The following TBC1D22A variants were observed in gnomAD, a reference collection of about 807,000 sequenced individuals.
TBC1D22A encodes the protein putative GTPase activator.
A neutral mutation model predicts 60.2 loss-of-function variants in TBC1D22A; 38 were observed. The observed-to-expected ratio is 0.63, with a 90% CI of 0.49 to 0.83. The LOEUF is 0.83. TBC1D22A is among the 40% of genes least tolerant of loss of function. The pLI, the probability that TBC1D22A is intolerant of heterozygous loss-of-function variation, is 0.00. For missense variants in TBC1D22A, 628 were observed against 701.0 expected (o/e 0.90, Z 1.18); for synonymous variants, 302 against 281.7 (o/e 1.07, Z -0.72).
intron 12 of TBC1D22A, among the ~76,000 whole-genome samples, chr22:47,172,394 G>A (rs1270552437): frequency 5.3e-5 from 8 of 152,240 alleles, no homozygotes; most frequent in Non-Finnish European, 2.9e-5. Context: ...TGACTGGGAA[G>A]TAGAATGGGA....
intron 12 of TBC1D22A, among the ~76,000 whole-genome samples, chr22:47,118,626 A>G (rs1287693842): frequency 6.6e-6 from 1 of 152,266 alleles, no homozygotes; most frequent in Non-Finnish European, 1.5e-5. Flanking sequence ...ATGAATGAGT[A>G]AAAGCAAATG....
chr22:47,147,509 C>T (rs200506728), intron 12 of TBC1D22A, among the ~76,000 whole-genome samples: 17 of 152,238 alleles, frequency 1.1e-4, no homozygotes, highest in African/African-American at 4.1e-4. Context: ...GTTCTGCACC[C>T]ACCTCCTGGG....
intron 12 of TBC1D22A, among the ~76,000 whole-genome samples, chr22:47,135,358 C>T (rs533242844): frequency 6.6e-6 from 1 of 152,358 alleles, no homozygotes; most frequent in East Asian, 1.9e-4. Context: ...CCAGGTGACA[C>T]TCTGGGCATG....
chr22:47,110,648 A>G (rs192886582), intron 11 of TBC1D22A, among the ~76,000 whole-genome samples: 21 of 152,260 alleles, frequency 1.4e-4, no homozygotes, highest in Admixed American at 5.9e-4. Context: ...GCACATCACC[A>G]TCTAATGCAC....
intron 11 of TBC1D22A, among the ~76,000 whole-genome samples, chr22:47,057,909 T>C (rs535544998): frequency 1.5e-4 from 23 of 152,288 alleles, no homozygotes; most frequent in African/African-American, 5.3e-4. Flanking sequence ...ACTACACTTG[T>C]AAAGGGACCT....
chr22:46,962,094 G>C (rs974209613), intron 8 of TBC1D22A, among the ~76,000 whole-genome samples: 1 of 152,200 alleles, frequency 6.6e-6, no homozygotes, highest in African/African-American at 2.4e-5. Context: ...GGGGGAGTGT[G>C]CTGTCTGGGA....
chr22:47,101,529 G>A (rs573032039), intron 11 of TBC1D22A, among the ~76,000 whole-genome samples: 11 of 152,354 alleles, frequency 7.2e-5, no homozygotes, highest in African/African-American at 2.2e-4. Context: ...GGGGCGAGGC[G>A]GCCAAGGCCC....
At chr22:47,129,100 C>A (rs2066594504) in intron 12 of TBC1D22A, among the ~76,000 whole-genome samples, 1 of 152,184 alleles carries the variant, frequency 6.6e-6, no homozygotes, top group Non-Finnish European at 1.5e-5. Context: ...TCTGGAGTTA[C>A]TAGGTCCTGT....
chr22:47,149,156 C>A (rs1042808910), intron 12 of TBC1D22A, among the ~76,000 whole-genome samples: 2 of 152,090 alleles, frequency 1.3e-5, no homozygotes, highest in African/African-American at 4.8e-5. Context: ...TCACATGGCT[C>A]GGGGGCCCTT....
rs1393692590 is a variant in TBC1D22A, at chr22:46,777,726, CAAG to C, written c.63-14790_63-14788del. Among the ~76,000 whole-genome samples, 1 of 152,046 alleles carries C rather than the reference CAAG, an allele frequency of 6.6e-6. No individual in the cohort carries two copies. The highest frequency in any genetic ancestry group is 1.5e-5 in the Non-Finnish European group (1 of 68,000). On this transcript the variant is annotated intron_variant, in intron 1 of 12. Coordinates refer to ENST00000337137, the MANE Select transcript of TBC1D22A (RefSeq NM_014346.5). The surrounding 1 kb of genome is among the most constrained non-coding windows in gnomAD (Gnocchi z 4.5). ...AGGGCCAGGATTGAGTGAGAAGCAG[CAAG>C]AAGGAGAGAGGGGAAATGGGCCTCG...
chr22:47,016,821 G>A (rs2061923534), intron 10 of TBC1D22A, among the ~76,000 whole-genome samples: 1 of 152,240 alleles, frequency 6.6e-6, no homozygotes, highest in South Asian at 2.1e-4. Context: ...CATGCGGAGG[G>A]GGCTACCGGC....
In TBC1D22A at chr22:47,111,501, C is replaced by T. The variant is rs1443980636; in HGVS notation, c.1330-7C>T. On this transcript the variant is annotated splice_region_variant and splice_polypyrimidine_tract_variant and intron_variant, in intron 11 of 12. Coordinates refer to ENST00000337137, the MANE Select transcript of TBC1D22A (RefSeq NM_014346.5). Reference sequence around the variant, plus strand: ...AATTTCTCTCTTGGTTATTTTTTCTCTTTTAGTCTGAACCGGACGGCTTTT... The same window carrying T: ...AATTTCTCTCTTGGTTATTTTTTCTTTTTTAGTCTGAACCGGACGGCTTTT... 3 of 1,611,204 alleles carry T rather than the reference C, an allele frequency of 1.9e-6. No individual in the cohort carries two copies. The highest frequency in any genetic ancestry group is 1.3e-5 in the African/African-American group (1 of 74,760).
At chr22:46,837,162 G>T (rs1446696610) in intron 4 of TBC1D22A, among the ~76,000 whole-genome samples, 2 of 152,166 alleles carry the variant, frequency 1.3e-5, no homozygotes, top group African/African-American at 2.4e-5. Flanking sequence ...CAAGGGCATT[G>T]TATAATGATG....
chr22:46,859,347 C>T (rs77252896), intron 4 of TBC1D22A, among the ~76,000 whole-genome samples: 7 of 65,074 alleles, frequency 1.1e-4, no homozygotes, highest in Non-Finnish European at 6.4e-5. Context: ...CGCGCAGTGC[C>T]GTGCCCCTTC....
At chr22:46,976,676 T>G (rs1281001470) in intron 9 of TBC1D22A, among the ~76,000 whole-genome samples, 1 of 152,240 alleles carries the variant, frequency 6.6e-6, no homozygotes, top group African/African-American at 2.4e-5. Flanking sequence ...TCGAACCATC[T>G]TCCTTAAGCA....
intron 12 of TBC1D22A, among the ~76,000 whole-genome samples, chr22:47,139,094 T>G (rs1455221184): frequency 1.3e-5 from 2 of 152,230 alleles, no homozygotes; most frequent in Admixed American, 6.5e-5. Context: ...ATTCAGGCCT[T>G]TTGGCTTGGC....
intron 11 of TBC1D22A, among the ~76,000 whole-genome samples, chr22:47,092,965 C>G (rs2065034517): frequency 6.6e-6 from 1 of 152,172 alleles, no homozygotes; most frequent in Admixed American, 6.5e-5. Context: ...TCTAGAAATG[C>G]TGAGTCATCA....
intron 4 of TBC1D22A, among the ~76,000 whole-genome samples, chr22:46,857,603 C>A (rs1219791897): frequency 1.3e-5 from 2 of 152,078 alleles, no homozygotes; most frequent in African/African-American, 4.8e-5. Context: ...AATTTCAGAA[C>A]AATTTCATCA....
At chr22:46,821,702 G>C (rs2085838917) in intron 4 of TBC1D22A, among the ~76,000 whole-genome samples, 1 of 152,132 alleles carries the variant, frequency 6.6e-6, no homozygotes, top group Non-Finnish European at 1.5e-5. Flanking sequence ...AGAATTTGAT[G>C]ATTATGTGTC....
Sources: gnomAD v4.1 joint callset for allele counts (sites outside exome capture counted in the v4.1 genomes callset) on GRCh38, gnomAD v4.1.1 for gene constraint, Gnocchi (gnomAD v3.1) non-coding constraint, MANE v1.5 for transcripts, NCBI Gene and HGNC (gene_info 2026-07-23, HGNC 2026-07-21) for gene names.